NCALD: variants seen among roughly 807,000 people sequenced by gnomAD.
NCALD encodes neurocalcin delta.
NCALD carries 10 observed loss-of-function variants against 18.6 expected under a neutral mutation model. That is an observed-to-expected ratio of 0.54 (90% CI 0.33 to 0.91). The LOEUF is 0.91. Ranked by LOEUF, NCALD falls within the 40% of genes least tolerant of loss-of-function variation. The probability of loss-of-function intolerance (pLI) is 0.03; values close to 1 mark genes in which losing one functional copy is unlikely to be tolerated. For missense variants in NCALD, 184 were observed against 247.6 expected, an observed-to-expected ratio of 0.74 and a Z score of 1.72; for synonymous variants, 88 against 87.4, an observed-to-expected ratio of 1.01 and a Z score of -0.04.
chr8:101,761,269 A>G (rs1811097684), intron 1 of NCALD, among the ~76,000 whole-genome samples: 1 of 152,230 alleles, frequency 6.6e-6, no homozygotes, highest in African/African-American at 2.4e-5. Flanking sequence ...CCGGAGCAGT[A>G]GCTTCATCTT....
intron 2 of NCALD, among the ~76,000 whole-genome samples, chr8:101,712,602 A>AAAAAAAAAAAAAAAAAG (rs1563683244): frequency 7.7e-6 from 1 of 129,718 alleles, no homozygotes; most frequent in African/African-American, 2.9e-5. Flanking sequence ...AAAAAAAAAA[A>AAAAAAAAAAAAAAAAAG]AAAAAAAAAT....
chr8:102,097,256 A>T (rs1479176814), intron 1 of NCALD, among the ~76,000 whole-genome samples: 5 of 152,220 alleles, frequency 3.3e-5, no homozygotes, highest in Non-Finnish European at 1.5e-5. Flanking sequence ...GAGAAAAAAA[A>T]ATAGTGAAAG....
At chr8:101,931,987 C>T (rs1388095479) in intron 2 of NCALD, among the ~76,000 whole-genome samples, 1 of 152,138 alleles carries the variant, frequency 6.6e-6, no homozygotes, top group Non-Finnish European at 1.5e-5. Context: ...AAGCAGGTGG[C>T]CATCACAGCC....
chr8:101,884,498 A>T (rs1586690356), intron 4 of NCALD, among the ~76,000 whole-genome samples: 1 of 152,180 alleles, frequency 6.6e-6, no homozygotes, highest in East Asian at 1.9e-4. Flanking sequence ...CCAAATATGT[A>T]AGTCCGTGTT....
intron 1 of NCALD, among the ~76,000 whole-genome samples, chr8:102,099,395 A>G (rs1384015028): frequency 6.6e-6 from 1 of 152,244 alleles, no homozygotes; most frequent in African/African-American, 2.4e-5. Flanking sequence ...TGAGACAAGA[A>G]TGTTAGATCT....
chr8:101,723,461 T>C (rs2130492007), intron 1 of NCALD, among the ~76,000 whole-genome samples: 1 of 152,328 alleles, frequency 6.6e-6, no homozygotes, highest in Admixed American at 6.5e-5. Context: ...TATATTTCTT[T>C]TCTAAAGTTC....
At chr8:101,943,022 A>G (rs897702110) in intron 2 of NCALD, among the ~76,000 whole-genome samples, 1 of 152,218 alleles carries the variant, frequency 6.6e-6, no homozygotes, top group Non-Finnish European at 1.5e-5. Flanking sequence ...TGGGACTGGA[A>G]AGATGAGAAT....
intron 1 of NCALD, among the ~76,000 whole-genome samples, chr8:102,078,227 G>A (rs1462127928): frequency 2.6e-5 from 4 of 151,718 alleles, no homozygotes; most frequent in Non-Finnish European, 4.4e-5. Flanking sequence ...TACAAATCCT[G>A]CAATATCCCT....
At chr8:101,718,606 G>A (rs541798352) in intron 2 of NCALD, among the ~76,000 whole-genome samples, 1 of 152,154 alleles carries the variant, frequency 6.6e-6, no homozygotes, top group Non-Finnish European at 1.5e-5. Flanking sequence ...CAGCCAGGAC[G>A]ACTGGGCAAA....
intron 4 of NCALD, among the ~76,000 whole-genome samples, chr8:101,828,137 T>C (rs1814017054): frequency 6.6e-6 from 1 of 152,210 alleles, no homozygotes; most frequent in Non-Finnish European, 1.5e-5. Context: ...AGCTCTCTAC[T>C]TCTGCACTTG....
At chr8:102,115,983 T>G (rs1825770638) in intron 1 of NCALD, among the ~76,000 whole-genome samples, 1 of 152,142 alleles carries the variant, frequency 6.6e-6, no homozygotes, top group South Asian at 2.1e-4. Flanking sequence ...TAAAGGACGG[T>G]AGATTTTAAG....
At chr8:102,116,576 G>T (rs77777232) in intron 1 of NCALD, among the ~76,000 whole-genome samples, 28,595 of 152,154 alleles carry the variant, frequency 0.19, 2,994 homozygotes, top group Non-Finnish European at 0.23. Flanking sequence ...TCCACCTCCC[G>T]GGCCCAAGAG....
At chr8:101,973,244 T>C (rs1339157793) in intron 2 of NCALD, among the ~76,000 whole-genome samples, 2 of 152,186 alleles carry the variant, frequency 1.3e-5, no homozygotes, top group African/African-American at 2.4e-5. Flanking sequence ...GGATACCACA[T>C]TACATTTATC....
At chr8:102,059,459 C>A (rs62523001) in intron 1 of NCALD, among the ~76,000 whole-genome samples, 2 of 152,144 alleles carry the variant, frequency 1.3e-5, no homozygotes, top group East Asian at 1.9e-4. Flanking sequence ...GATATTTGAA[C>A]GAACAAATGG....
chr8:101,731,243 C>G (rs184355604), intron 1 of NCALD, among the ~76,000 whole-genome samples: 3 of 152,078 alleles, frequency 2.0e-5, no homozygotes. Context: ...CACCATCATG[C>G]GGGGCCAGGT....
At chr8:102,041,737 C>CAA (rs1586966975) in intron 1 of NCALD, among the ~76,000 whole-genome samples, 11 of 149,722 alleles carry the variant, frequency 7.3e-5, no homozygotes, top group African/African-American at 2.3e-4. Flanking sequence ...TTTTTGAGCT[C>CAA]AGAATTCTCC....
intron 1 of NCALD, among the ~76,000 whole-genome samples, chr8:102,068,963 G>A (rs1824095571): frequency 6.6e-6 from 1 of 152,154 alleles, no homozygotes; most frequent in Admixed American, 6.5e-5. Flanking sequence ...TCACTTACAT[G>A]TGGAATCTAA....
intron 2 of NCALD, among the ~76,000 whole-genome samples, chr8:101,922,991 G>A (rs1457907027): frequency 6.6e-6 from 1 of 152,080 alleles, no homozygotes; most frequent in Non-Finnish European, 1.5e-5. Flanking sequence ...GACAAGGGGG[G>A]ACTACTGTAG....
At chr8:101,872,134 C>T (rs1816046709) in intron 4 of NCALD, 7 of 1,605,794 alleles carry the variant, frequency 4.4e-6, no homozygotes, top group Admixed American at 1.7e-5. Flanking sequence ...AGGAAACTTC[C>T]TGGCAAGTCC....
Sources: gnomAD v4.1 joint callset for allele counts (sites outside exome capture counted in the v4.1 genomes callset) on GRCh38, gnomAD v4.1.1 for gene constraint, MANE v1.5 for transcripts, NCBI Gene and HGNC (gene_info 2026-07-23, HGNC 2026-07-21) for gene names.